Variants in DTWD2 observed in about 807,000 individuals in gnomAD.
DTWD2 encodes the protein tRNA-uridine aminocarboxypropyltransferase 2.
In DTWD2, 39 loss-of-function variants were observed where a neutral mutation model predicts 31.8. That is an observed-to-expected ratio of 1.22 (90% CI 0.95 to 1.60). The LOEUF is 1.60. Among genes scored for constraint, DTWD2 ranks in the 40% most tolerant of loss-of-function variants. The probability of loss-of-function intolerance (pLI) is 0.00; values close to 1 mark genes in which losing one functional copy is unlikely to be tolerated. For missense variants in DTWD2, 515 were observed against 381.5 expected, an observed-to-expected ratio of 1.35 and a Z score of -2.92; for synonymous variants, 180 against 142.8, an observed-to-expected ratio of 1.26 and a Z score of -1.86.
At chr5:118,923,117 T>A (rs1034976820) in intron 4 of DTWD2, among the ~76,000 whole-genome samples, 1 of 151,996 alleles carries the variant, frequency 6.6e-6, no homozygotes, top group East Asian at 1.9e-4. Flanking sequence ...AACACTGAAA[T>A]GAAATTTCAC....
At chr5:118,859,272 GATAA>G (rs940809725) in intron 4 of DTWD2, among the ~76,000 whole-genome samples, 4 of 151,354 alleles carry the variant, frequency 2.6e-5, no homozygotes, top group African/African-American at 9.7e-5. Flanking sequence ...GAAAAGGCAG[GATAA>G]ATAAAGAGAA....
chr5:118,967,782 T>C (rs969419492), intron 1 of DTWD2, among the ~76,000 whole-genome samples: 1 of 151,644 alleles, frequency 6.6e-6, no homozygotes, highest in African/African-American at 2.4e-5. Context: ...ATGGGGAAAA[T>C]AGAGAATCAC....
intron 4 of DTWD2, among the ~76,000 whole-genome samples, chr5:118,902,989 A>G (rs1753250010): frequency 6.6e-6 from 1 of 152,116 alleles, no homozygotes; most frequent in East Asian, 1.9e-4. Context: ...GTAGCACATC[A>G]TAACTAAAAC....
intron 1 of DTWD2, among the ~76,000 whole-genome samples, chr5:118,987,462 G>A (rs1254676989): frequency 2.0e-5 from 3 of 152,162 alleles, no homozygotes; most frequent in African/African-American, 7.2e-5. Flanking sequence ...TCCCCTTCTT[G>A]GAATGCTTTT....
intron 1 of DTWD2, among the ~76,000 whole-genome samples, chr5:118,949,013 T>C (rs1754400188): frequency 6.6e-6 from 1 of 152,094 alleles, no homozygotes; most frequent in Non-Finnish European, 1.5e-5. Flanking sequence ...AACGTGTGTT[T>C]TTATTAAGAA....
chr5:118,981,679 G>A (rs1424661168), intron 1 of DTWD2, among the ~76,000 whole-genome samples: 2 of 152,050 alleles, frequency 1.3e-5, no homozygotes, highest in Admixed American at 6.6e-5. Context: ...TCCCACCTCA[G>A]CCTCCCCGAA....
chr5:118,925,650 C>T (rs1316261922), intron 4 of DTWD2, among the ~76,000 whole-genome samples: 2 of 151,400 alleles, frequency 1.3e-5, no homozygotes, highest in Non-Finnish European at 2.9e-5. Flanking sequence ...TCGAGACCAT[C>T]CTGGCTAACA....
intron 4 of DTWD2, among the ~76,000 whole-genome samples, chr5:118,848,832 A>C (rs1005718274): frequency 6.6e-6 from 1 of 152,158 alleles, no homozygotes; most frequent in Non-Finnish European, 1.5e-5. Flanking sequence ...TACACAGAAA[A>C]CTGAAACTGG....
At chr5:118,846,177 A>G (rs1751848367) in intron 5 of DTWD2, among the ~76,000 whole-genome samples, 1 of 152,162 alleles carries the variant, frequency 6.6e-6, no homozygotes, top group Non-Finnish European at 1.5e-5. Flanking sequence ...TGGTATATTG[A>G]TTTTTAAATT....
intron 4 of DTWD2, among the ~76,000 whole-genome samples, chr5:118,849,835 A>G (rs1014344874): frequency 6.6e-6 from 1 of 152,050 alleles, no homozygotes; most frequent in African/African-American, 2.4e-5. Context: ...ATGAGAACAC[A>G]TGGACATCAG....
chr5:118,955,612 T>C (rs1157994841), intron 1 of DTWD2, among the ~76,000 whole-genome samples: 3 of 152,214 alleles, frequency 2.0e-5, no homozygotes, highest in African/African-American at 7.2e-5. Flanking sequence ...ATGGAGCTTA[T>C]TTGTTCTCAC....
rs376371693 is a variant in DTWD2, at chr5:118,917,287, A to G, written c.597+11250T>C. Among the ~76,000 whole-genome samples, 21 of 152,346 alleles carry G rather than the reference A, an allele frequency of 1.4e-4. No individual in the cohort carries two copies. The East Asian group carries it at 2.9e-3, about 21-fold the overall frequency. On this transcript the variant is annotated intron_variant, in intron 4 of 5. Coordinates refer to ENST00000510708, the MANE Select transcript of DTWD2 (RefSeq NM_173666.4). ...TAAGAAGGACATTTTACAAAAGGACATCTTACAAAAAGAGTAGCTCTAACA... is the reference window on the plus strand; with the variant it reads ...TAAGAAGGACATTTTACAAAAGGACGTCTTACAAAAAGAGTAGCTCTAACA...
intron 1 of DTWD2, among the ~76,000 whole-genome samples, chr5:118,964,629 A>G (rs1003099910): frequency 4.6e-5 from 7 of 152,140 alleles, no homozygotes; most frequent in Non-Finnish European, 8.8e-5. Flanking sequence ...TTTGGTGGAG[A>G]CGGGGTTTCG....
At chr5:118,863,496 A>G (rs1449256256) in intron 4 of DTWD2, among the ~76,000 whole-genome samples, 1 of 152,222 alleles carries the variant, frequency 6.6e-6, no homozygotes, top group East Asian at 1.9e-4. Context: ...AGTCAACTGC[A>G]TATCTACTGC....
chr5:118,853,364 G>GC (rs1317980712), intron 4 of DTWD2, among the ~76,000 whole-genome samples: 1 of 152,054 alleles, frequency 6.6e-6, no homozygotes, highest in East Asian at 1.9e-4. Flanking sequence ...AATGAAAATA[G>GC]AACCACCATT....
At chr5:118,846,178 T>C (rs1417550973) in intron 5 of DTWD2, among the ~76,000 whole-genome samples, 2 of 152,180 alleles carry the variant, frequency 1.3e-5, no homozygotes, top group Admixed American at 1.3e-4. Context: ...GGTATATTGA[T>C]TTTTAAATTT....
intron 4 of DTWD2, among the ~76,000 whole-genome samples, chr5:118,851,127 GAGAAT>G (rs1751992166): frequency 6.7e-6 from 1 of 149,340 alleles, no homozygotes; most frequent in Non-Finnish European, 1.5e-5. Flanking sequence ...CACATCTGTG[GAGAAT>G]CACTTGAACC....
At chr5:118,971,925 G>A (rs555039145) in intron 1 of DTWD2, among the ~76,000 whole-genome samples, 13 of 152,256 alleles carry the variant, frequency 8.5e-5, no homozygotes. Flanking sequence ...TAAAACTAAT[G>A]AGAACAAAGA....
intron 4 of DTWD2, among the ~76,000 whole-genome samples, chr5:118,920,222 T>C (rs529635726): frequency 6.6e-6 from 1 of 152,206 alleles, no homozygotes; most frequent in South Asian, 2.1e-4. Context: ...CATATCTACA[T>C]ACATTAATTT....
Sources: allele counts gnomAD v4.1 joint callset (sites outside exome capture counted in the v4.1 genomes callset), GRCh38; gene constraint gnomAD v4.1.1; transcripts MANE v1.5; gene names NCBI Gene and HGNC (gene_info 2026-07-23, HGNC 2026-07-21).